ACOXL: variants seen among roughly 807,000 people sequenced by gnomAD.
ACOXL encodes acyl-coenzyme A oxidase-like protein.
ACOXL carries 70 observed loss-of-function variants against 71.9 expected under a neutral mutation model. That is an observed-to-expected ratio of 0.97 (90% CI 0.80 to 1.19). The LOEUF (loss-of-function observed/expected upper bound fraction) is 1.19, where lower values mean the gene tolerates loss of function less well. ACOXL is among the 50% of genes most tolerant of loss of function. ACOXL has a pLI of 0.00. For synonymous variants in ACOXL, 253 were observed against 281.6 expected (o/e 0.90, Z 1.02); for missense variants, 703 against 736.3 (o/e 0.95, Z 0.52).
intron 8 of ACOXL, among the ~76,000 whole-genome samples, chr2:110,804,251 T>G (rs926935646): frequency 9.9e-5 from 15 of 152,106 alleles, no homozygotes; most frequent in Admixed American, 7.9e-4. Context: ...CCTCCCGAAG[T>G]GCTAGGATTA....
rs151260585 is a variant in ACOXL at position 111,086,345 on chromosome 2, A to G, written c.1441-6520A>G. ...ATCTTAGCAAATCAAATCCAGCAGC[A>G]TGTAAAAAGCTAATCCACCAGGATC... On this transcript the variant is annotated intron_variant, in intron 16 of 17. Transcript: ENST00000439055. Among the ~76,000 whole-genome samples, 369 of 152,340 alleles carry G rather than the reference A, an allele frequency of 2.4e-3. 2 individuals are homozygous for G. Among genetic ancestry groups the G allele is most frequent in the African/African-American group, 8.5e-3 (353 of 41,584 alleles).
chr2:110,828,983 G>A (rs2105605735), intron 9 of ACOXL, among the ~76,000 whole-genome samples: 1 of 152,208 alleles, frequency 6.6e-6, no homozygotes, highest in African/African-American at 2.4e-5. Flanking sequence ...AGCTAATTTT[G>A]TATTTTTAGT....
chr2:111,012,500 A>G (rs1289611288), intron 14 of ACOXL, among the ~76,000 whole-genome samples: 1 of 152,220 alleles, frequency 6.6e-6, no homozygotes, highest in Non-Finnish European at 1.5e-5. Flanking sequence ...AATCTTCTTG[A>G]TATTTGTAGG....
At chr2:111,051,729 C>G (rs1056462695) in intron 16 of ACOXL, among the ~76,000 whole-genome samples, 6 of 152,190 alleles carry the variant, frequency 3.9e-5, no homozygotes, top group African/African-American at 7.2e-5. Context: ...CTCGGCCTCC[C>G]AAAGTGCTGG....
chr2:110,833,854 C>T (rs1690138734), intron 9 of ACOXL, among the ~76,000 whole-genome samples: 1 of 152,000 alleles, frequency 6.6e-6, no homozygotes, highest in African/African-American at 2.4e-5. Context: ...AAAGTGTTTT[C>T]CTGTCTTTCT....
chr2:111,102,150 C>T (rs1167036978), intron 17 of ACOXL: 3 of 152,562 alleles, frequency 2.0e-5, no homozygotes, highest in African/African-American at 4.8e-5. Flanking sequence ...TCTCTTTTCC[C>T]TTCCCCCTTC....
chr2:110,734,929 C>G (rs960436517), intron 1 of ACOXL, among the ~76,000 whole-genome samples: 5 of 151,850 alleles, frequency 3.3e-5, no homozygotes, highest in African/African-American at 1.2e-4. Context: ...CAGATAATAT[C>G]AATGCTGCTG....
At chr2:110,933,438 T>C (rs996249159) in intron 11 of ACOXL, 51 bp from the exon 12 acceptor site, 2 of 1,584,060 alleles carry the variant, frequency 1.3e-6, no homozygotes, top group African/African-American at 2.7e-5. Context: ...CCTTCACACA[T>C]GTGCTGACTG....
rs181470593 is a variant in ACOXL at position 110,855,457 on chromosome 2, C to G, written c.788+14052C>G. ...GGAATCTCTGCTGACCTGGGCAGAG[C>G]TGTGAATATGAGATACGATTTGAGA... On this transcript the variant is annotated intron_variant, in intron 10 of 17. Coordinates refer to ENST00000439055, the MANE Select transcript of ACOXL (RefSeq NM_001142807.4). Among the ~76,000 whole-genome samples, 704 of 152,158 alleles carry G rather than the reference C, an allele frequency of 4.6e-3. 3 individuals carry two copies. Among genetic ancestry groups the G allele is most frequent in the African/African-American group, 0.017 (687 of 41,486 alleles).
intron 12 of ACOXL, among the ~76,000 whole-genome samples, chr2:110,983,976 T>G (rs530338685): frequency 1.3e-4 from 20 of 152,204 alleles, no homozygotes; most frequent in Admixed American, 8.5e-4. Context: ...CCCGAGTAAC[T>G]GGGACTATAA....
At chr2:110,980,489 G>A (rs1416926496) in intron 12 of ACOXL, among the ~76,000 whole-genome samples, 1 of 152,178 alleles carries the variant, frequency 6.6e-6, no homozygotes, top group East Asian at 1.9e-4. Context: ...CCCTGTTCCT[G>A]TCTATTGTGG....
chr2:110,795,773 A>G (rs1267187755), intron 5 of ACOXL: 1 of 152,158 alleles, frequency 6.6e-6, no homozygotes, highest in East Asian at 1.9e-4. Context: ...AAGCCATCGT[A>G]TTAAGGTCAC....
intron 14 of ACOXL, among the ~76,000 whole-genome samples, chr2:111,002,527 G>A (rs1284554647): frequency 6.6e-6 from 1 of 152,150 alleles, no homozygotes; most frequent in Non-Finnish European, 1.5e-5. Context: ...TATGGACAAT[G>A]TCATAATGAA....
At chr2:110,847,660 A>G (rs1223924385) in intron 10 of ACOXL, among the ~76,000 whole-genome samples, 2 of 152,206 alleles carry the variant, frequency 1.3e-5, no homozygotes, top group African/African-American at 2.4e-5. Flanking sequence ...AAGAAAGGCT[A>G]AATCTGGCAT....
At chr2:110,826,725 A>T (rs1370751124) in intron 9 of ACOXL, among the ~76,000 whole-genome samples, 1 of 145,538 alleles carries the variant, frequency 6.9e-6, no homozygotes, top group African/African-American at 2.5e-5. Context: ...AGATTTGGAG[A>T]TGTTGTTTTG....
At chr2:110,847,524 G>C (rs1275356683) in intron 10 of ACOXL, among the ~76,000 whole-genome samples, 2 of 152,226 alleles carry the variant, frequency 1.3e-5, no homozygotes, top group African/African-American at 2.4e-5. Flanking sequence ...AATAAACGAA[G>C]AAGGAAGCAA....
intron 11 of ACOXL, among the ~76,000 whole-genome samples, chr2:110,915,348 ATATGTGTGTGTGTGTGTG>A (rs1455342750): frequency 0.011 from 1,358 of 127,156 alleles, 14 homozygotes; most frequent in Non-Finnish European, 0.016. Context: ...ATATATATAT[ATATGTGTGTGTGTGTGTG>A]TGTGTGTGTG....
At chr2:110,933,453 G>T in intron 11 of ACOXL, 36 bp from the exon 12 acceptor site, 1 of 1,597,048 alleles carries the variant, frequency 6.3e-7, no homozygotes, top group Non-Finnish European at 8.6e-7. Flanking sequence ...TGACTGCACC[G>T]CCACTTCCAT....
intron 16 of ACOXL, among the ~76,000 whole-genome samples, chr2:111,064,672 C>A (rs2066980891): frequency 6.6e-6 from 1 of 152,092 alleles, no homozygotes. Context: ...TGATTGAATC[C>A]ATGGATGCAG....
Sources: allele counts gnomAD v4.1 joint callset (sites outside exome capture counted in the v4.1 genomes callset), GRCh38; gene constraint gnomAD v4.1.1; transcripts MANE v1.5; gene names NCBI Gene and HGNC (gene_info 2026-07-23, HGNC 2026-07-21).